The following SLC25A36 variants were observed in gnomAD, a reference collection of about 807,000 sequenced individuals.
SLC25A36 encodes epididymis secretory sperm binding protein.
SLC25A36 carries 24 observed loss-of-function variants against 35.3 expected under a neutral mutation model. That is an observed-to-expected ratio of 0.68 (90% CI 0.49 to 0.96). The LOEUF (loss-of-function observed/expected upper bound fraction) is 0.96, where lower values mean the gene tolerates loss of function less well. Ranked by LOEUF, SLC25A36 falls within the 40% of genes least tolerant of loss-of-function variation. The probability of loss-of-function intolerance (pLI) is 0.00; values close to 1 mark genes in which losing one functional copy is unlikely to be tolerated. For synonymous variants in SLC25A36, 141 were observed against 132.2 expected (o/e 1.07, Z -0.46); for missense variants, 294 against 381.1 (o/e 0.77, Z 1.90).
At chr3:140,976,170 C>T in intron 6 of SLC25A36, 90 bp from the exon 7 acceptor site, 1 of 876,828 alleles carries the variant, frequency 1.1e-6, no homozygotes. Context: ...TGAGCTTACA[C>T]TTACAGACTG....
At chr3:140,959,972 A>C (rs1034778349) in intron 3 of SLC25A36, among the ~76,000 whole-genome samples, 2 of 152,178 alleles carry the variant, frequency 1.3e-5, no homozygotes, top group African/African-American at 2.4e-5. Flanking sequence ...TAAATGTTAA[A>C]ATTCTATAAA....
In SLC25A36 at chr3:140,975,507, C is replaced by T. The variant is rs182448741; in HGVS notation, c.743-753C>T. ...CTGTGGGTTGCTTTAGACTATTTCC[C>T]TAGGCCCATCTGGAATACTGTGCTG... On this transcript the variant is annotated intron_variant, in intron 6 of 6. Transcript: ENST00000324194. Among the ~76,000 whole-genome samples, 5 of 152,164 alleles carry T rather than the reference C, an allele frequency of 3.3e-5. No individual in the cohort carries two copies. The East Asian group carries it at 9.7e-4, about 29-fold the overall frequency.
chr3:140,975,257 G>A (rs570369279), intron 6 of SLC25A36, among the ~76,000 whole-genome samples: 1 of 151,610 alleles, frequency 6.6e-6, no homozygotes, highest in Admixed American at 6.6e-5. Flanking sequence ...ATGAGCTCAG[G>A]CCACTATGCC....
chr3:140,957,273 C>T (rs1468381031), intron 2 of SLC25A36, among the ~76,000 whole-genome samples: 2 of 152,276 alleles, frequency 1.3e-5, no homozygotes, highest in East Asian at 3.9e-4. Flanking sequence ...GGAATGCCTT[C>T]GTGTCTGCCT....
Position 140,976,536 on chromosome 3 carries a change from C to T in SLC25A36, c.*83C>T. On this transcript the variant is annotated 3_prime_UTR_variant, in exon 7 of 7. Transcript: ENST00000324194. The stretch of plus-strand genomic sequence containing the variant: ...GGGATACAGAAGCCAGCATGGCAGA[C>T]AGAAGAAAAATAGTTTGGGAACATG... The T allele has an allele frequency of 7.5e-6, 9 of 1,203,304 alleles. No homozygotes were observed. The highest frequency in any genetic ancestry group is 1.0e-5 in the Non-Finnish European group (9 of 885,670). 74.5% of individuals were successfully genotyped at this position (1,203,304 alleles called of 1,614,324 possible). A position where few individuals can be genotyped will look rare whatever the true frequency, so the allele number is the denominator to read the frequency against.
At chr3:140,974,923 A>C (rs190794924) in intron 6 of SLC25A36, among the ~76,000 whole-genome samples, 1 of 152,130 alleles carries the variant, frequency 6.6e-6, no homozygotes, top group Non-Finnish European at 1.5e-5. Flanking sequence ...TTTCTAAAAG[A>C]AGTCAAAATA....
intron 6 of SLC25A36, among the ~76,000 whole-genome samples, chr3:140,975,097 C>CTTTTT (rs10662120): frequency 0.068 from 3,714 of 55,018 alleles, 1,361 homozygotes; most frequent in East Asian, 0.097. Flanking sequence ...AAGATACATT[C>CTTTTT]TTTTTTTTTT....
chr3:140,969,710 C>T (rs1245237124), intron 4 of SLC25A36, among the ~76,000 whole-genome samples: 4 of 151,738 alleles, frequency 2.6e-5, no homozygotes, highest in Admixed American at 2.6e-4. Flanking sequence ...TGTAGATACA[C>T]CTTTGAAAGC....
intron 1 of SLC25A36, among the ~76,000 whole-genome samples, chr3:140,949,826 T>C (rs2107783902): frequency 6.6e-6 from 1 of 152,330 alleles, no homozygotes; most frequent in South Asian, 2.1e-4. Flanking sequence ...TAACTTTGAA[T>C]TGTAACTTTT....
chr3:140,949,706 A>G (rs1029318333), intron 1 of SLC25A36, among the ~76,000 whole-genome samples: 1 of 152,238 alleles, frequency 6.6e-6, no homozygotes, highest in African/African-American at 2.4e-5. Context: ...TTTTGATGTT[A>G]CAAAGTAATG....
chr3:140,965,396 C>A (rs1934734849), intron 4 of SLC25A36: 1 of 151,568 alleles, frequency 6.6e-6, no homozygotes, highest in African/African-American at 2.4e-5. Context: ...AAATGCTAAC[C>A]TTGTCACTTT....
chr3:140,958,960 TTGTGTGTGTGTGTGTG>T lies in SLC25A36; in HGVS notation c.207-469_207-454del, dbSNP rs377492880. 2.5e-3 allele frequency among the ~76,000 whole-genome samples: 285 copies of T among 112,636 alleles called. 2 individuals carry two copies. In the East Asian group the frequency reaches 0.029, roughly 11 times the overall value. 73.9% of individuals were successfully genotyped at this position (112,636 alleles called of 152,430 possible). On this transcript the variant is annotated intron_variant, in intron 2 of 6. Transcript: ENST00000324194. ...TGCTATGTCATGAAAAAACAATGTT[TTGTGTGTGTGTGTGTG>T]TGTGTGTGTGTGTGTGTGTGTGTGT...
intron 3 of SLC25A36, among the ~76,000 whole-genome samples, chr3:140,962,725 A>G (rs918504216): frequency 2.6e-5 from 4 of 152,196 alleles, no homozygotes; most frequent in Middle Eastern, 3.4e-3. Flanking sequence ...CACCAGCCTT[A>G]CAGCCTTATT....
Position 140,976,593 on chromosome 3 carries a change from AAT to A in SLC25A36, c.*141_*142del, listed in dbSNP as rs1935053699. 1.7e-6 allele frequency: 1 copy of A among 605,040 alleles called. No individual in the cohort carries two copies. Among genetic ancestry groups the A allele is most frequent in the African/African-American group, 1.9e-5 (1 of 53,130 alleles). The allele number at this position is 605,040 out of a possible 1,614,324, so 37.5% of individuals were successfully genotyped here. ...TTCTAAGTGGAAGTTTTGTTGTAGG[AAT>A]TATAGTAATCACACCACATTACTTG... On this transcript the variant is annotated 3_prime_UTR_variant, in exon 7 of 7. Transcript: ENST00000324194.
intron 4 of SLC25A36, chr3:140,968,710 G>A (rs1934826687): frequency 1.0e-6 from 1 of 983,258 alleles, no homozygotes; most frequent in Admixed American, 6.2e-5. Context: ...ACTTGGAAGA[G>A]TATTATGGAC....
intron 4 of SLC25A36, chr3:140,968,791 G>C (rs1934829649): frequency 3.1e-6 from 2 of 653,230 alleles, no homozygotes; most frequent in South Asian, 6.9e-5. Flanking sequence ...AAAAAACTTA[G>C]GTGCTCATCT....
At chr3:140,958,509 C>T (rs1324748370) in intron 2 of SLC25A36, among the ~76,000 whole-genome samples, 1 of 152,170 alleles carries the variant, frequency 6.6e-6, no homozygotes, top group East Asian at 1.9e-4. Flanking sequence ...TATCTACTTA[C>T]TTTTTCTAGT....
intron 6 of SLC25A36, among the ~76,000 whole-genome samples, chr3:140,974,736 C>T (rs1430268973): frequency 1.3e-5 from 2 of 151,982 alleles, no homozygotes; most frequent in African/African-American, 2.4e-5. Context: ...AATGTAAGCG[C>T]TTCATTTTTG....
intron 3 of SLC25A36, among the ~76,000 whole-genome samples, chr3:140,960,450 T>C (rs1934599507): frequency 6.6e-6 from 1 of 152,190 alleles, no homozygotes; most frequent in Non-Finnish European, 1.5e-5. Flanking sequence ...CCTTTCTCAC[T>C]TTCCACATAG....
Sources: gnomAD v4.1 joint callset for allele counts (sites outside exome capture counted in the v4.1 genomes callset) on GRCh38, gnomAD v4.1.1 for gene constraint, MANE v1.5 for transcripts, NCBI Gene and HGNC (gene_info 2026-07-23, HGNC 2026-07-21) for gene names.